RFX3: variants seen among roughly 807,000 people sequenced by gnomAD.
RFX3 encodes the protein transcription factor RFX3.
RFX3 carries 14 observed loss-of-function variants against 98.6 expected under a neutral mutation model. The ratio of observed to expected loss-of-function variants is 0.14; its 90% CI spans 0.09 to 0.22. The LOEUF (loss-of-function observed/expected upper bound fraction) is 0.22, where lower values mean the gene tolerates loss of function less well. Ranked by LOEUF, RFX3 falls within the 10% of genes least tolerant of loss-of-function variation. The pLI is 1.00. For synonymous variants in RFX3, 383 were observed against 328.4 expected, an observed-to-expected ratio of 1.17 and a Z score of -1.80; for missense variants, 639 against 926.9, an observed-to-expected ratio of 0.69 and a Z score of 4.03.
At chr9:3,371,981 A>G (rs914214901) in intron 2 of RFX3, among the ~76,000 whole-genome samples, 4 of 152,224 alleles carry the variant, frequency 2.6e-5, no homozygotes, top group African/African-American at 7.2e-5. Context: ...TTTAGCCACA[A>G]TAGAGATTAC....
At chr9:3,286,520 A>G (rs1826626146) in intron 7 of RFX3, among the ~76,000 whole-genome samples, 2 of 151,804 alleles carry the variant, frequency 1.3e-5, no homozygotes, top group Admixed American at 1.3e-4. Context: ...ACTGGAAATT[A>G]TGACTGTGTA....
intron 1 of RFX3, among the ~76,000 whole-genome samples, chr9:3,514,181 C>G (rs1587911477): frequency 6.6e-6 from 1 of 152,148 alleles, no homozygotes; most frequent in South Asian, 2.1e-4. Flanking sequence ...TCAGACAGTT[C>G]CCCTAATCTT....
At chr9:3,517,336 T>G (rs939150906) in intron 1 of RFX3, among the ~76,000 whole-genome samples, 1 of 152,188 alleles carries the variant, frequency 6.6e-6, no homozygotes, top group African/African-American at 2.4e-5. Flanking sequence ...TTGGCTAGCA[T>G]TTTTGAAGTC....
At chr9:3,427,363 AT>A (rs1256148377) in intron 1 of RFX3, among the ~76,000 whole-genome samples, 1 of 140,304 alleles carries the variant, frequency 7.1e-6, no homozygotes, top group Non-Finnish European at 1.5e-5. Context: ...CTATATATAA[AT>A]ATATATTGTT....
chr9:3,331,968 C>A (rs956182144), intron 3 of RFX3, among the ~76,000 whole-genome samples: 2 of 152,102 alleles, frequency 1.3e-5, no homozygotes, highest in Admixed American at 1.3e-4. Context: ...AGATTCCATT[C>A]CTCTCTTGTT....
intron 2 of RFX3, among the ~76,000 whole-genome samples, chr9:3,355,940 G>A (rs980009657): frequency 3.3e-5 from 5 of 151,754 alleles, no homozygotes; most frequent in African/African-American, 1.2e-4. Context: ...ATAATCTATG[G>A]TTTATATCAT....
At chr9:3,400,327 C>T (rs1189518985) in intron 1 of RFX3, 1 of 398,674 alleles carries the variant, frequency 2.5e-6, no homozygotes, top group Non-Finnish European at 3.4e-6. Flanking sequence ...AGGTAAAAAA[C>T]AATGGTTGTA....
At chr9:3,495,966 C>A (rs994433352) in intron 1 of RFX3, among the ~76,000 whole-genome samples, 3 of 151,962 alleles carry the variant, frequency 2.0e-5, no homozygotes, top group Non-Finnish European at 4.4e-5. Flanking sequence ...ATGATGAGCA[C>A]ATTAAATAGC....
At chr9:3,277,513 T>C in intron 7 of RFX3, 52 bp from the exon 8 acceptor site, 2 of 1,520,410 alleles carry the variant, frequency 1.3e-6, no homozygotes, top group Non-Finnish European at 1.8e-6. Flanking sequence ...TCCTTGCTTT[T>C]TTGTACTACC....
chr9:3,502,922 G>A (rs1751277378), intron 1 of RFX3, among the ~76,000 whole-genome samples: 1 of 152,148 alleles, frequency 6.6e-6, no homozygotes, highest in Admixed American at 6.5e-5. Flanking sequence ...TGGATACATG[G>A]AAATTCACTT....
intron 1 of RFX3, among the ~76,000 whole-genome samples, chr9:3,520,590 G>C (rs906902974): frequency 3.3e-5 from 5 of 152,168 alleles, no homozygotes; most frequent in African/African-American, 4.8e-5. Flanking sequence ...CAGTAGGGCT[G>C]GGAACCTAAA....
chr9:3,318,192 A>G (rs575344701), intron 4 of RFX3, among the ~76,000 whole-genome samples: 1 of 152,380 alleles, frequency 6.6e-6, no homozygotes, highest in South Asian at 2.1e-4. Flanking sequence ...CTATGCAACC[A>G]TAAAAAAGGA....
chr9:3,310,550 G>A (rs1406772098), intron 4 of RFX3, among the ~76,000 whole-genome samples: 1 of 152,140 alleles, frequency 6.6e-6, no homozygotes, highest in African/African-American at 2.4e-5. Flanking sequence ...AACTGTTACA[G>A]TGATTTGAAA....
chr9:3,404,910 A>G (rs941591803), intron 1 of RFX3, among the ~76,000 whole-genome samples: 2 of 152,132 alleles, frequency 1.3e-5, no homozygotes, highest in East Asian at 1.9e-4. Context: ...ATTTCTGCCC[A>G]TTCTACTCAA....
intron 13 of RFX3, among the ~76,000 whole-genome samples, chr9:3,258,918 T>A (rs182945503): frequency 6.6e-6 from 1 of 151,840 alleles, no homozygotes; most frequent in East Asian, 1.9e-4. Flanking sequence ...TATACATACT[T>A]AAATGTTTAA....
At chr9:3,440,651 A>G (rs1368367377) in intron 1 of RFX3, among the ~76,000 whole-genome samples, 3 of 152,192 alleles carry the variant, frequency 2.0e-5, no homozygotes, top group Admixed American at 1.3e-4. Context: ...TAACATGTCA[A>G]GTCTTGCTAA....
chr9:3,231,385 T>G (rs1465180213), intron 15 of RFX3, among the ~76,000 whole-genome samples: 1 of 152,140 alleles, frequency 6.6e-6, no homozygotes, highest in East Asian at 1.9e-4. Context: ...CTGCATGAGA[T>G]CCGCAAAATC....
intron 2 of RFX3, among the ~76,000 whole-genome samples, chr9:3,361,521 C>T (rs1162896551): frequency 6.6e-6 from 1 of 151,836 alleles, no homozygotes; most frequent in African/African-American, 2.4e-5. Flanking sequence ...AAAGTAGGCA[C>T]CAGGCACAAT....
chr9:3,413,949 T>C (rs1842672634), intron 1 of RFX3, among the ~76,000 whole-genome samples: 1 of 152,084 alleles, frequency 6.6e-6, no homozygotes, highest in Non-Finnish European at 1.5e-5. Context: ...TAAATCAAGA[T>C]TGTCTTCTTT....
Sources: allele counts gnomAD v4.1 joint callset (sites outside exome capture counted in the v4.1 genomes callset), GRCh38; gene constraint gnomAD v4.1.1; transcripts MANE v1.5; gene names NCBI Gene and HGNC (gene_info 2026-07-23, HGNC 2026-07-21).